PLXDC2: variants seen among roughly 807,000 people sequenced by gnomAD.
PLXDC2 encodes plexin domain-containing protein 2.
Under a neutral mutation model 68.9 loss-of-function variants are expected in PLXDC2, and 40 were observed. The ratio of observed to expected loss-of-function variants is 0.58; its 90% confidence interval spans 0.45 to 0.76. The LOEUF (loss-of-function observed/expected upper bound fraction) is 0.76, where lower values mean the gene tolerates loss of function less well. Among genes scored for constraint, PLXDC2 ranks in the 30% least tolerant of loss-of-function variants. The pLI is 0.00. For missense variants in PLXDC2, 644 were observed against 661.9 expected, an observed-to-expected ratio of 0.97 and a Z score of 0.30; for synonymous variants, 243 against 234.2, an observed-to-expected ratio of 1.04 and a Z score of -0.34.
At position 20,012,326 on chromosome 10, in the gene PLXDC2, TTTTTTTTTGG is replaced by T. The variant is rs1274698540; in HGVS notation, c.324+10341_324+10350del. On this transcript the variant is annotated intron_variant, in intron 2 of 13. Transcript: ENST00000377252. ...CTCTTTTTTATTTTTTTTTTTTTTTTTTTTTTTTGGAGAAGGAGACTTGCTGTGTTTCCCA... is the reference window on the plus strand; with the variant it reads ...CTCTTTTTTATTTTTTTTTTTTTTTTAGAAGGAGACTTGCTGTGTTTCCCA... Among the ~76,000 whole-genome samples the T allele has an allele frequency of 2.6e-3, 51 of 19,616 alleles. 1 individual carries two copies. In the East Asian group the frequency reaches 0.073, roughly 28 times the overall value. 12.9% of individuals were successfully genotyped at this position (19,616 alleles called of 152,430 possible).
chr10:20,202,153 A>T (rs1834929103), intron 9 of PLXDC2, among the ~76,000 whole-genome samples: 1 of 152,294 alleles, frequency 6.6e-6, no homozygotes, highest in African/African-American at 2.4e-5. Flanking sequence ...CATAGAAAAT[A>T]TATCTGTGCT....
chr10:20,173,188 T>G (rs1834473058), intron 7 of PLXDC2, among the ~76,000 whole-genome samples: 1 of 152,188 alleles, frequency 6.6e-6, no homozygotes, highest in South Asian at 2.1e-4. Flanking sequence ...ACGGTGCTTG[T>G]GCTGGACTCG....
At chr10:20,146,862 A>G (rs560662137) in intron 5 of PLXDC2, among the ~76,000 whole-genome samples, 2 of 152,208 alleles carry the variant, frequency 1.3e-5, no homozygotes, top group East Asian at 3.9e-4. Context: ...AATATATCAG[A>G]TATTTATTAC....
At chr10:20,023,348 T>TACCTTATAA (rs1372724012) in intron 2 of PLXDC2, among the ~76,000 whole-genome samples, 2 of 152,212 alleles carry the variant, frequency 1.3e-5, no homozygotes, top group Non-Finnish European at 2.9e-5. Context: ...ATGTCATAAA[T>TACCTTATAA]ACCTTATAAG....
At chr10:20,254,715 A>C (rs1410091139) in intron 13 of PLXDC2, among the ~76,000 whole-genome samples, 2 of 152,348 alleles carry the variant, frequency 1.3e-5, no homozygotes, top group African/African-American at 4.8e-5. Context: ...TTAGTAGATG[A>C]CAGCTTTCCA....
intron 4 of PLXDC2, among the ~76,000 whole-genome samples, chr10:20,101,963 G>C (rs118136613): frequency 0.11 from 17,114 of 151,538 alleles, 1,117 homozygotes; most frequent in Middle Eastern, 0.14. Flanking sequence ...CACCATGCCC[G>C]GCTAATTTTT....
chr10:20,063,020 T>G (rs1177355161), intron 3 of PLXDC2, among the ~76,000 whole-genome samples: 1 of 152,162 alleles, frequency 6.6e-6, no homozygotes, highest in East Asian at 1.9e-4. Context: ...AAAAAAATCA[T>G]AAATACCACT....
At chr10:20,184,760 T>C (rs1204296739) in intron 9 of PLXDC2, among the ~76,000 whole-genome samples, 1 of 151,982 alleles carries the variant, frequency 6.6e-6, no homozygotes, top group Admixed American at 6.6e-5. Flanking sequence ...GCCTTTTTCC[T>C]TTGGTTTTGT....
chr10:20,176,664 T>C (rs1217605163), intron 7 of PLXDC2, among the ~76,000 whole-genome samples: 1 of 152,168 alleles, frequency 6.6e-6, no homozygotes, highest in African/African-American at 2.4e-5. Context: ...GGTATCATCT[T>C]ACCTTCTTGA....
intron 4 of PLXDC2, among the ~76,000 whole-genome samples, chr10:20,087,862 C>CA (rs1833221876): frequency 6.6e-6 from 1 of 152,084 alleles, no homozygotes; most frequent in African/African-American, 2.4e-5. Flanking sequence ...ATTTCCCTAC[C>CA]ACTTCCAACA....
intron 1 of PLXDC2, among the ~76,000 whole-genome samples, chr10:19,909,100 T>C (rs961002177): frequency 6.6e-6 from 1 of 152,182 alleles, no homozygotes. Flanking sequence ...TGAATTTAGA[T>C]AGTGTGAGTT....
At chr10:20,047,790 G>A (rs546943680) in intron 3 of PLXDC2, among the ~76,000 whole-genome samples, 3 of 152,184 alleles carry the variant, frequency 2.0e-5, no homozygotes, top group East Asian at 1.9e-4. Context: ...ATAAGAGAAC[G>A]GAGGAGTCTT....
intron 4 of PLXDC2, among the ~76,000 whole-genome samples, chr10:20,133,859 T>C (rs1281442712): frequency 6.6e-6 from 1 of 152,192 alleles, no homozygotes; most frequent in Non-Finnish European, 1.5e-5. Flanking sequence ...CACTTAATGA[T>C]GTCTCATAAT....
chr10:20,182,531 A>G (rs1480471520), intron 9 of PLXDC2, among the ~76,000 whole-genome samples: 2 of 151,938 alleles, frequency 1.3e-5, no homozygotes, highest in Non-Finnish European at 2.9e-5. Flanking sequence ...AGAGGCTTTT[A>G]TGAGTGATGA....
At chr10:19,967,521 A>G (rs1024403603) in intron 1 of PLXDC2, among the ~76,000 whole-genome samples, 3 of 152,210 alleles carry the variant, frequency 2.0e-5, no homozygotes, top group African/African-American at 7.2e-5. Flanking sequence ...AACTAGAAAA[A>G]ATAGAATAAA....
At position 20,034,340 on chromosome 10, in the gene PLXDC2, T is replaced by C. The variant is rs1331820375; in HGVS notation, c.325-12529T>C. Among the ~76,000 whole-genome samples, 5 of 152,182 alleles carry C rather than the reference T, an allele frequency of 3.3e-5. No individual in the cohort carries two copies. The East Asian group carries it at 9.6e-4, about 29-fold the overall frequency. On this transcript the variant is annotated intron_variant, in intron 2 of 13. Transcript: ENST00000377252. ...TTTTCATAAAATTAGGTTGATTAAA[T>C]ATCCTCTGTATTCTCTTTAGGGTAA...
intron 9 of PLXDC2, among the ~76,000 whole-genome samples, chr10:20,197,044 A>C (rs572384645): frequency 6.6e-6 from 1 of 152,254 alleles, no homozygotes; most frequent in African/African-American, 2.4e-5. Flanking sequence ...GGATGTGCTA[A>C]TTTTCTGCCT....
intron 12 of PLXDC2, among the ~76,000 whole-genome samples, chr10:20,243,156 G>A (rs572897313): frequency 6.6e-6 from 1 of 152,214 alleles, no homozygotes; most frequent in Non-Finnish European, 1.5e-5. Flanking sequence ...TCATTGAGGA[G>A]GTATTGATCA....
intron 1 of PLXDC2, among the ~76,000 whole-genome samples, chr10:19,903,592 C>G (rs1223164360): frequency 6.6e-6 from 1 of 151,474 alleles, no homozygotes; most frequent in African/African-American, 2.4e-5. Context: ...TGCTAATGGT[C>G]TATCAATTTT....
Sources: gnomAD v4.1 joint callset for allele counts (sites outside exome capture counted in the v4.1 genomes callset) on GRCh38, gnomAD v4.1.1 for gene constraint, MANE v1.5 for transcripts, NCBI Gene and HGNC (gene_info 2026-07-23, HGNC 2026-07-21) for gene names.